SLC33A1: variants seen among roughly 807,000 people sequenced by gnomAD.
SLC33A1 encodes the protein solute carrier family 33 member 1, also known as acetyl-coenzyme A transporter 1.
Under a neutral mutation model 50.0 loss-of-function variants are expected in SLC33A1, and 20 were observed. The observed-to-expected ratio is 0.40, with a 90% CI of 0.28 to 0.58. SLC33A1 has a LOEUF of 0.58. SLC33A1 is among the 20% of genes least tolerant of loss of function. The pLI, the probability that SLC33A1 is intolerant of heterozygous loss-of-function variation, is 0.44. For synonymous variants in SLC33A1, 265 were observed against 251.8 expected (o/e 1.05, Z -0.50); for missense variants, 476 against 657.0 (o/e 0.72, Z 3.01).
intron 2 of SLC33A1, among the ~76,000 whole-genome samples, chr3:155,838,217 C>A (rs1008815109): frequency 1.7e-4 from 26 of 148,618 alleles, no homozygotes; most frequent in Non-Finnish European, 2.5e-4. Context: ...GCAGGAGAAT[C>A]TCTTGAACCC....
At chr3:155,842,781 G>C in intron 1 of SLC33A1, 162 bp from the exon 2 acceptor site, 1 of 433,682 alleles carries the variant, frequency 2.3e-6, no homozygotes, top group Non-Finnish European at 4.0e-6. Flanking sequence ...GGCCAAGGTG[G>C]GAGGATTACT....
Position 155,854,170 on chromosome 3 carries a change from C to A in SLC33A1, c.-173G>T, listed in dbSNP as rs916009121. Reference sequence around the variant, plus strand: ...TTACTGCAGCCCGGAGTGCTGAAGCCGGGAGCCAGTCCTCTGGCTAGAGGC... The same window carrying A: ...TTACTGCAGCCCGGAGTGCTGAAGCAGGGAGCCAGTCCTCTGGCTAGAGGC... On this transcript the variant is annotated 5_prime_UTR_variant, in exon 1 of 6. Coordinates refer to ENST00000643144, the MANE Select transcript of SLC33A1 (RefSeq NM_004733.4). 3 of 509,272 alleles carry A rather than the reference C, an allele frequency of 5.9e-6. No individual in the cohort carries two copies. The highest frequency in any genetic ancestry group is 7.3e-5 in the Admixed American group (2 of 27,226). 31.5% of individuals were successfully genotyped at this position (509,272 alleles called of 1,614,324 possible). A position where few individuals can be genotyped will look rare whatever the true frequency, so the allele number is the denominator to read the frequency against.
chr3:155,842,049 T>A (rs894135724), intron 2 of SLC33A1, among the ~76,000 whole-genome samples: 48 of 152,270 alleles, frequency 3.2e-4, no homozygotes, highest in Non-Finnish European at 2.8e-4. Flanking sequence ...CACCTGGCCC[T>A]ATATCTTTTT....
At chr3:155,844,457 ATTTTTTTTTTTTTTT>A (rs869180951) in intron 1 of SLC33A1, among the ~76,000 whole-genome samples, 1 of 33,586 alleles carries the variant, frequency 3.0e-5, no homozygotes, top group African/African-American at 8.9e-5. Flanking sequence ...ATATATATAT[ATTTTTTTTTTTTTTT>A]TTTTTTTTTT....
intron 5 of SLC33A1, 105 bp downstream of exon 5, chr3:155,829,583 G>T: frequency 1.2e-6 from 1 of 819,888 alleles, no homozygotes; most frequent in Non-Finnish European, 2.0e-6. Context: ...CAGAACCTAT[G>T]GACAGATATG....
At position 155,828,450 on chromosome 3, in the gene SLC33A1, C is replaced by T. The variant is rs547275879; in HGVS notation, c.1483-73G>A. On this transcript the variant is annotated intron_variant, in intron 5 of 5. Transcript: ENST00000643144. Reference sequence around the variant, plus strand: ...GTATTTAGCAATTAACATGCTTCTACTTTATAAAGAATAAAAATATATTTT... The same window carrying T: ...GTATTTAGCAATTAACATGCTTCTATTTTATAAAGAATAAAAATATATTTT... The T allele has an allele frequency of 7.6e-4, 631 of 826,728 alleles. 6 individuals carry two copies. In the African/African-American group the frequency reaches 9.5e-3, roughly 12 times the overall value. 51.2% of individuals were successfully genotyped at this position (826,728 alleles called of 1,614,324 possible). A position where few individuals can be genotyped will look rare whatever the true frequency, so the allele number is the denominator to read the frequency against.
At chr3:155,831,032 T>C (rs1441082401) in intron 4 of SLC33A1, among the ~76,000 whole-genome samples, 1 of 152,128 alleles carries the variant, frequency 6.6e-6, no homozygotes, top group Admixed American at 6.6e-5. Flanking sequence ...ATTGAAAAGG[T>C]TCCTTTCATT....
rs770851086 is a variant in SLC33A1 at position 155,833,958 on chromosome 3, T to G, written c.1047A>C (p.Ala349=). ...GVPKEHLALL[A]VPMVPLQIIL... ...TTATCTGCAAAGGAACCATTGGAACTGCCAATAAGGCTAAATGTTCTTTGG... is the reference window on the plus strand; with the variant it reads ...TTATCTGCAAAGGAACCATTGGAACGGCCAATAAGGCTAAATGTTCTTTGG... The change falls in exon 3 of 6, where the codon GCA becomes GCC. Residue 349 remains alanine, a synonymous_variant. Transcript: ENST00000643144. The G allele has an allele frequency of 1.9e-6, 3 of 1,613,760 alleles. No homozygotes were observed. The highest frequency in any genetic ancestry group is 4.5e-5 in the East Asian group (2 of 44,858).
At position 155,825,191 on chromosome 3, in the gene SLC33A1, C is replaced by G. The variant is rs1304631511; in HGVS notation, c.*3019G>C. The stretch of plus-strand genomic sequence containing the variant: ...TTGAGACAGGGTCTCACTCTGTCAC[C>G]CAGACAGGAATGTAGTACCACAATC... On this transcript the variant is annotated 3_prime_UTR_variant, in exon 6 of 6. Transcript: ENST00000643144. 1 of 151,944 alleles carries G rather than the reference C, an allele frequency of 6.6e-6. No individual in the cohort carries two copies. Among genetic ancestry groups the G allele is most frequent in the Non-Finnish European group, 1.5e-5 (1 of 68,006 alleles). The allele number at this position is 151,944 out of a possible 1,614,324, so 9.4% of individuals were successfully genotyped here. A position where few individuals can be genotyped will look rare whatever the true frequency, so the allele number is the denominator to read the frequency against.
rs1020651893 is a variant in SLC33A1 at position 155,853,458 on chromosome 3, A to T, written c.540T>A (p.Thr180=). 5.6e-6 allele frequency: 9 copies of T among 1,614,028 alleles called. No individual in the cohort carries two copies. Among genetic ancestry groups the T allele is most frequent in the Admixed American group, 1.7e-5 (1 of 60,006 alleles). Reference sequence around the variant, plus strand: ...AGAATTCAAACAAAAAGAACGCCACAGTGAGAGCAATCACGTCGGGTGTTC... The same window carrying T: ...AGAATTCAAACAAAAAGAACGCCACTGTGAGAGCAATCACGTCGGGTGTTC... ...DDRTPDVIAL[T]VAFFLFEFLA... is the part of the protein sequence containing the mutation. Residue 180 remains threonine, a synonymous_variant, in exon 1 of 6, where the codon ACT becomes ACA. Coordinates refer to ENST00000643144, the MANE Select transcript of SLC33A1 (RefSeq NM_004733.4).
chr3:155,853,371 A>G lies in SLC33A1; in HGVS notation c.627T>C (p.Asn209=), dbSNP rs201908431. Reference sequence around the variant, plus strand: ...AATTGCAAGTAGAAGCATAACCCACATTTTCCCTGGATAACATAGTTAACG... The same window carrying G: ...AATTGCAAGTAGAAGCATAACCCACGTTTTCCCTGGATAACATAGTTAACG... The part of the protein sequence containing the change: ...GWALTMLSRE[N]VGYASTCNSV... Residue 209 remains asparagine, a synonymous_variant, in exon 1 of 6, where the codon AAT becomes AAC. Coordinates refer to ENST00000643144, the MANE Select transcript of SLC33A1 (RefSeq NM_004733.4). 9 of 1,614,108 alleles carry G rather than the reference A, an allele frequency of 5.6e-6. No individual in the cohort carries two copies. In the East Asian group the frequency reaches 1.1e-4, roughly 20 times the overall value.
chr3:155,837,211 C>A (rs1023500485), intron 2 of SLC33A1, among the ~76,000 whole-genome samples: 3 of 151,908 alleles, frequency 2.0e-5, no homozygotes. Flanking sequence ...ACAAAATTAG[C>A]TGGGCGTGGT....
At chr3:155,849,822 A>C in intron 1 of SLC33A1, among the ~76,000 whole-genome samples, 1 of 150,522 alleles carries the variant, frequency 6.6e-6, no homozygotes, top group Admixed American at 6.7e-5. Context: ...GCAGCAGAAT[A>C]GCTTGAGCCC....
chr3:155,839,287 T>G (rs1752827843), intron 2 of SLC33A1, among the ~76,000 whole-genome samples: 1 of 78,404 alleles, frequency 1.3e-5, no homozygotes, highest in African/African-American at 3.9e-5. Flanking sequence ...GGGAAACAAG[T>G]GAAACTCCGC....
chr3:155,825,594 A>T lies in SLC33A1; in HGVS notation c.*2616T>A, dbSNP rs1752180225. 6.6e-6 allele frequency: 1 copy of T among 152,204 alleles called. No homozygotes were observed. Among genetic ancestry groups the T allele is most frequent in the Admixed American group, 6.5e-5 (1 of 15,268 alleles). 9.4% of individuals were successfully genotyped at this position (152,204 alleles called of 1,614,324 possible). A position where few individuals can be genotyped will look rare whatever the true frequency, so the allele number is the denominator to read the frequency against. On this transcript the variant is annotated 3_prime_UTR_variant, in exon 6 of 6. Coordinates refer to ENST00000643144, the MANE Select transcript of SLC33A1 (RefSeq NM_004733.4). Reference sequence around the variant, plus strand: ...AAAATAAAGTATTTACAATGGAAGGAATCTGTGGTGTTACTTTTAGGTAAT... The same window carrying T: ...AAAATAAAGTATTTACAATGGAAGGTATCTGTGGTGTTACTTTTAGGTAAT...
rs113309483 is a variant in SLC33A1, at chr3:155,830,139, G to A, written c.1267-236C>T. Among the ~76,000 whole-genome samples the A allele has an allele frequency of 0.074, 11,164 of 151,586 alleles. 860 individuals carry two copies. Among genetic ancestry groups the A allele is most frequent in the African/African-American group, 0.17 (6,844 of 41,250 alleles). ...AGCACTTTGGGAGGCCAAGGCGGGCGGATCACAAGGTCAGGAGATCGAGAC... is the reference window on the plus strand; with the variant it reads ...AGCACTTTGGGAGGCCAAGGCGGGCAGATCACAAGGTCAGGAGATCGAGAC... On this transcript the variant is annotated intron_variant, in intron 4 of 5. Coordinates refer to ENST00000643144, the MANE Select transcript of SLC33A1 (RefSeq NM_004733.4).
At chr3:155,829,186 G>A (rs1216666236) in intron 5 of SLC33A1, among the ~76,000 whole-genome samples, 1 of 152,174 alleles carries the variant, frequency 6.6e-6, no homozygotes, top group Non-Finnish European at 1.5e-5. Flanking sequence ...ACAGGCGTGA[G>A]CCACTGCACC....
intron 1 of SLC33A1, among the ~76,000 whole-genome samples, chr3:155,852,287 C>T (rs358703): frequency 6.6e-6 from 1 of 151,458 alleles, no homozygotes; most frequent in African/African-American, 2.4e-5. Flanking sequence ...GTGAGACAGC[C>T]CCCCCGACCC....
rs973464350 is a variant in SLC33A1, at chr3:155,853,973, C to T, written c.25G>A (p.Asp9Asn). The T allele has an allele frequency of 1.3e-6, 2 of 1,545,564 alleles. No individual in the cohort carries two copies. Among genetic ancestry groups the T allele is most frequent in the African/African-American group, 1.4e-5 (1 of 72,220 alleles). MSPTISHK[D>N]SSRQRRPGNF... The stretch of plus-strand genomic sequence containing the variant: ...CCTGGCCGCCGTTGCCGGCTGCTGT[C>T]CTTGTGGGAGATGGTGGGTGACATA... Residue 9 changes from aspartate (D) to asparagine (N), a missense_variant, in exon 1 of 6, where the codon GAC (aspartate) becomes AAC (asparagine). Transcript: ENST00000643144.
Sources: allele counts gnomAD v4.1 joint callset (sites outside exome capture counted in the v4.1 genomes callset), GRCh38; gene constraint gnomAD v4.1.1; transcripts MANE v1.5; gene names NCBI Gene and HGNC (gene_info 2026-07-23, HGNC 2026-07-21).